Variants in SLC35D4 observed in about 807,000 individuals in gnomAD.
The protein encoded by SLC35D4 is UDP-N-acetylglucosamine transporter SLC35D4.
At chr18:23,330,554 C>T in the SLC35D4 span, among the ~76,000 whole-genome samples, 15 of 152,294 alleles carry the variant, frequency 9.8e-5, no homozygotes, top group East Asian at 5.8e-4. Context: ...CAGGAAACCA[C>T]GCCATTTGCA....
the SLC35D4 span, among the ~76,000 whole-genome samples, chr18:23,322,908 C>T: frequency 2.6e-4 from 39 of 152,286 alleles, no homozygotes; most frequent in African/African-American, 9.4e-4. Context: ...TAGTACTTTT[C>T]ACTTCTTGGT....
chr18:23,294,127 G>A, the SLC35D4 span, among the ~76,000 whole-genome samples: 1 of 151,888 alleles, frequency 6.6e-6, no homozygotes, highest in African/African-American at 2.4e-5. Flanking sequence ...CAGCATATTA[G>A]TAATAATACA....
the SLC35D4 span, among the ~76,000 whole-genome samples, chr18:23,437,215 A>G: frequency 6.6e-6 from 1 of 152,226 alleles, no homozygotes; most frequent in Non-Finnish European, 1.5e-5. Flanking sequence ...TGATGTCATG[A>G]CATTAGTTTA....
chr18:23,402,853 T>G, the SLC35D4 span, among the ~76,000 whole-genome samples: 1 of 152,002 alleles, frequency 6.6e-6, no homozygotes, highest in Non-Finnish European at 1.5e-5. Flanking sequence ...ACGCCTGTAA[T>G]CCCAGCACTT....
chr18:23,286,915 G>T, the SLC35D4 span, among the ~76,000 whole-genome samples: 1 of 151,002 alleles, frequency 6.6e-6, no homozygotes, highest in Non-Finnish European at 1.5e-5. Flanking sequence ...CCTCCTTTGC[G>T]TCCTCCTCTT....
the SLC35D4 span, among the ~76,000 whole-genome samples, chr18:23,243,567 T>A: frequency 6.7e-6 from 1 of 149,880 alleles, no homozygotes; most frequent in South Asian, 2.1e-4. Context: ...TCTTTTACAA[T>A]TCATTTTTTT....
chr18:23,401,189 AGT>A, the SLC35D4 span, among the ~76,000 whole-genome samples: 1 of 152,322 alleles, frequency 6.6e-6, no homozygotes, highest in Middle Eastern at 3.4e-3. Flanking sequence ...TGAGACAAAG[AGT>A]TTAGATAATT....
the SLC35D4 span, among the ~76,000 whole-genome samples, chr18:23,265,630 C>G: frequency 6.6e-6 from 1 of 151,616 alleles, no homozygotes; most frequent in Non-Finnish European, 1.5e-5. Context: ...GCCCAATGGG[C>G]ACTTCCCACC....
the SLC35D4 span, chr18:23,373,719 T>C: frequency 6.2e-7 from 1 of 1,613,076 alleles, no homozygotes; most frequent in Non-Finnish European, 8.5e-7. Context: ...TACCTGGGAG[T>C]CATTGAAGGG....
At chr18:23,316,169 G>A in the SLC35D4 span, among the ~76,000 whole-genome samples, 3 of 152,146 alleles carry the variant, frequency 2.0e-5, no homozygotes. Context: ...CCTCCAGCTG[G>A]TGTACAAACA....
the SLC35D4 span, among the ~76,000 whole-genome samples, chr18:23,375,008 A>G: frequency 1.3e-5 from 2 of 151,714 alleles, no homozygotes; most frequent in Non-Finnish European, 2.9e-5. Context: ...CCAGCTACTC[A>G]GGAGGCTGAG....
the SLC35D4 span, among the ~76,000 whole-genome samples, chr18:23,295,008 C>T: frequency 2.0e-5 from 3 of 151,986 alleles, no homozygotes; most frequent in Admixed American, 6.6e-5. Context: ...TATAAAATGA[C>T]ACTTGGACAG....
the SLC35D4 span, among the ~76,000 whole-genome samples, chr18:23,362,650 T>C: frequency 3.3e-5 from 5 of 151,928 alleles, no homozygotes; most frequent in Non-Finnish European, 7.4e-5. Context: ...GGCAATAAAG[T>C]GTAGGATCAC....
chr18:23,402,893 T>G, the SLC35D4 span, among the ~76,000 whole-genome samples: 2 of 151,982 alleles, frequency 1.3e-5, no homozygotes, highest in African/African-American at 4.8e-5. Context: ...GATCACAAGG[T>G]CAGGAGTTCA....
chr18:23,245,875 G>T, the SLC35D4 span, among the ~76,000 whole-genome samples: 9 of 152,354 alleles, frequency 5.9e-5, no homozygotes, highest in South Asian at 1.2e-3. Flanking sequence ...CTGCTGCAGG[G>T]TTAGAACCCC....
the SLC35D4 span, among the ~76,000 whole-genome samples, chr18:23,424,881 T>A: frequency 6.6e-6 from 1 of 152,080 alleles, no homozygotes; most frequent in African/African-American, 2.4e-5. Context: ...ACGTTTGCTA[T>A]GAAATATTAG....
At chr18:23,252,657 A>C in the SLC35D4 span, among the ~76,000 whole-genome samples, 9 of 152,318 alleles carry the variant, frequency 5.9e-5, no homozygotes, top group Non-Finnish European at 1.3e-4. Context: ...CCGTGTGAAC[A>C]GGCTGACACC....
the SLC35D4 span, among the ~76,000 whole-genome samples, chr18:23,246,086 T>A: frequency 1.3e-5 from 2 of 152,050 alleles, no homozygotes; most frequent in Non-Finnish European, 2.9e-5. Flanking sequence ...GCCAACGGTG[T>A]AACCCTGTCT....
At chr18:23,371,883 C>T in the SLC35D4 span, among the ~76,000 whole-genome samples, 6 of 150,146 alleles carry the variant, frequency 4.0e-5, no homozygotes, top group Non-Finnish European at 1.5e-5. Context: ...TTATTCTCCA[C>T]AGGACTTAGT....
Sources: gnomAD v4.1 joint callset for allele counts (sites outside exome capture counted in the v4.1 genomes callset) on GRCh38, gnomAD v4.1.1 for gene constraint, MANE v1.5 for transcripts, NCBI Gene and HGNC (gene_info 2026-07-23, HGNC 2026-07-21) for gene names.